Variants in TAF4 observed in about 807,000 individuals in gnomAD.
TAF4 encodes transcription initiation factor TFIID subunit 4.
A neutral mutation model predicts 90.3 loss-of-function variants in TAF4; 9 were observed. That is an observed-to-expected ratio of 0.10 (90% CI 0.06 to 0.17). TAF4 has a LOEUF of 0.17. TAF4 is among the 10% of genes least tolerant of loss of function. The pLI is 1.00. For missense variants in TAF4, 1,351 were observed against 1,370.7 expected (o/e 0.99, Z 0.23); for synonymous variants, 818 against 638.9 (o/e 1.28, Z -4.23).
chr20:62,020,099 G>A (rs574605454), intron 1 of TAF4, among the ~76,000 whole-genome samples: 1 of 152,290 alleles, frequency 6.6e-6, no homozygotes, highest in South Asian at 2.1e-4. Flanking sequence ...CTCCACAGGG[G>A]TCCATGTTCA....
In TAF4 at chr20:62,003,670, G is replaced by A. The variant is rs949297987; in HGVS notation, c.2371+61C>T. On this transcript the variant is annotated intron_variant, in intron 8 of 14. Transcript: ENST00000252996. Reference sequence around the variant, plus strand: ...TTACCCAATTAAATAAAAGCCCAATGGCAGCTGGCTCTGGGAGCAGCCCTT... The same window carrying A: ...TTACCCAATTAAATAAAAGCCCAATAGCAGCTGGCTCTGGGAGCAGCCCTT... 1.9e-5 allele frequency: 29 copies of A among 1,494,050 alleles called. No homozygotes were observed. In the Admixed American group the frequency reaches 4.6e-4, roughly 24 times the overall value. 92.5% of individuals were successfully genotyped at this position (1,494,050 alleles called of 1,614,324 possible).
intron 14 of TAF4, among the ~76,000 whole-genome samples, chr20:61,993,690 G>A (rs563567672): frequency 1.6e-4 from 24 of 152,244 alleles, no homozygotes; most frequent in African/African-American, 5.3e-4. Context: ...GCTGTGATGT[G>A]GTGGGGCACA....
intron 1 of TAF4, among the ~76,000 whole-genome samples, chr20:62,063,004 G>C (rs998042655): frequency 6.6e-6 from 1 of 152,166 alleles, no homozygotes; most frequent in East Asian, 1.9e-4. Context: ...CTAAAGATCA[G>C]CCACGTTTCC....
At chr20:62,016,858 G>A (rs983019933) in intron 1 of TAF4, among the ~76,000 whole-genome samples, 1 of 152,194 alleles carries the variant, frequency 6.6e-6, no homozygotes, top group Non-Finnish European at 1.5e-5. Flanking sequence ...TGAGAAGCCA[G>A]GGTGAGTGTG....
chr20:62,056,308 C>T (rs893122679), intron 1 of TAF4, among the ~76,000 whole-genome samples: 4 of 152,142 alleles, frequency 2.6e-5, no homozygotes, highest in African/African-American at 7.2e-5. Flanking sequence ...AGCCAACATC[C>T]ACATGAACGA....
intron 1 of TAF4, among the ~76,000 whole-genome samples, chr20:62,061,468 G>C (rs1006844005): frequency 6.6e-6 from 1 of 152,210 alleles, no homozygotes; most frequent in Non-Finnish European, 1.5e-5. Flanking sequence ...TAGAGCAAAA[G>C]GAGAGTAAAT....
At chr20:62,021,422 T>A (rs7362396) in intron 1 of TAF4, among the ~76,000 whole-genome samples, 1 of 152,210 alleles carries the variant, frequency 6.6e-6, no homozygotes, top group South Asian at 2.1e-4. Flanking sequence ...AGTAAGCACC[T>A]GGGAACCCAC....
intron 1 of TAF4, among the ~76,000 whole-genome samples, chr20:62,016,376 GTGGC>G (rs1471666292): frequency 1.3e-5 from 2 of 152,234 alleles, no homozygotes; most frequent in Admixed American, 1.3e-4. Context: ...CAGCGTCAAT[GTGGC>G]TGGGCACCAT....
chr20:61,992,472 C>G (rs949592230), intron 14 of TAF4, among the ~76,000 whole-genome samples: 1 of 152,034 alleles, frequency 6.6e-6, no homozygotes, highest in East Asian at 1.9e-4. Context: ...TTCCCCACCC[C>G]CCAAGCCCTT....
intron 1 of TAF4, among the ~76,000 whole-genome samples, chr20:62,038,828 G>A (rs1007790875): frequency 5.3e-5 from 8 of 152,148 alleles, no homozygotes; most frequent in East Asian, 1.9e-4. Context: ...TGAGGCAGGC[G>A]GATCACCTGA....
chr20:62,012,592 C>G (rs1469596857), intron 3 of TAF4: 2 of 520,996 alleles, frequency 3.8e-6, no homozygotes, highest in Admixed American at 4.0e-5. Context: ...GTGTTAAATT[C>G]TGTGTGACTA....
chr20:62,005,894 C>G (rs1446461505), intron 7 of TAF4: 1 of 152,166 alleles, frequency 6.6e-6, no homozygotes, highest in African/African-American at 2.4e-5. Flanking sequence ...TTTAAAACTG[C>G]CCCTCTACGT....
chr20:62,005,858 G>A (rs6089603), intron 7 of TAF4: 1 of 152,244 alleles, frequency 6.6e-6, no homozygotes, highest in East Asian at 1.9e-4. Context: ...GCTGTCTTTA[G>A]AGGAAGAAAA....
At chr20:62,015,634 C>T (rs536133327) in intron 1 of TAF4, among the ~76,000 whole-genome samples, 22 of 152,330 alleles carry the variant, frequency 1.4e-4, no homozygotes, top group African/African-American at 2.9e-4. Flanking sequence ...GGCCAAGCCA[C>T]GGGGCACAGG....
intron 1 of TAF4, among the ~76,000 whole-genome samples, chr20:62,027,620 C>G (rs1037261949): frequency 1.3e-5 from 2 of 152,210 alleles, no homozygotes; most frequent in Non-Finnish European, 2.9e-5. Flanking sequence ...CAAAACCATA[C>G]TACTGGAACT....
intron 1 of TAF4, among the ~76,000 whole-genome samples, chr20:62,051,457 T>C (rs907276990): frequency 2.0e-5 from 3 of 152,082 alleles, no homozygotes; most frequent in African/African-American, 7.2e-5. Context: ...CACAGGGCCC[T>C]GGGACTGCCC....
intron 2 of TAF4, among the ~76,000 whole-genome samples, chr20:62,013,181 T>A (rs899388255): frequency 6.6e-6 from 1 of 152,230 alleles, no homozygotes; most frequent in Non-Finnish European, 1.5e-5. Context: ...CAAAAGGTCA[T>A]CTCTGAAGAA....
At position 61,979,409 on chromosome 20, in the gene TAF4, C is replaced by A. The variant is rs142908063; in HGVS notation, c.3091-3074G>T. The stretch of plus-strand genomic sequence containing the variant: ...GGCACCCATGGCCACTCTAGAGGGA[C>A]TGCGGCCCGTGCAGGCGCAATGGCC... On this transcript the variant is annotated intron_variant, in intron 14 of 14. Coordinates refer to ENST00000252996, the MANE Select transcript of TAF4 (RefSeq NM_003185.4). 6.2e-3 allele frequency: 936 copies of A among 150,698 alleles called. 2 individuals are homozygous for A. Among genetic ancestry groups the A allele is most frequent in the Non-Finnish European group, 7.8e-3 (537 of 68,456 alleles). 9.3% of individuals were successfully genotyped at this position (150,698 alleles called of 1,614,324 possible).
chr20:61,997,990 G>A (rs1317881649), intron 13 of TAF4, 146 bp downstream of exon 13: 28 of 779,088 alleles, frequency 3.6e-5, no homozygotes, highest in Non-Finnish European at 5.9e-6. Context: ...CTCTGATGTT[G>A]TATTTATTTA....
Sources: gnomAD v4.1 joint callset for allele counts (sites outside exome capture counted in the v4.1 genomes callset) on GRCh38, gnomAD v4.1.1 for gene constraint, MANE v1.5 for transcripts, NCBI Gene and HGNC (gene_info 2026-07-23, HGNC 2026-07-21) for gene names.